Variants in IGF1R observed in about 807,000 individuals in gnomAD.
IGF1R encodes insulin like growth factor 1 receptor.
In IGF1R, 44 loss-of-function variants were observed where a neutral mutation model predicts 144.6. The ratio of observed to expected loss-of-function variants is 0.30; its 90% confidence interval spans 0.24 to 0.39. IGF1R has a LOEUF of 0.39. IGF1R is among the 10% of genes least tolerant of loss of function. The pLI is 1.00. For synonymous variants in IGF1R, 795 were observed against 722.8 expected, an observed-to-expected ratio of 1.10 and a Z score of -1.60; for missense variants, 1,355 against 1,833.7, an observed-to-expected ratio of 0.74 and a Z score of 4.77.
chr15:98,877,397 A>G (rs2141620025), intron 2 of IGF1R, among the ~76,000 whole-genome samples: 1 of 152,180 alleles, frequency 6.6e-6, no homozygotes, highest in South Asian at 2.1e-4. Flanking sequence ...TGTGAAAAAG[A>G]TAATCCAGCC....
chr15:98,776,716 C>T (rs1392089476), intron 2 of IGF1R, among the ~76,000 whole-genome samples: 1 of 152,120 alleles, frequency 6.6e-6, no homozygotes, highest in African/African-American at 2.4e-5. Context: ...GAGGCCACAG[C>T]GGTGTGCAAG....
chr15:98,833,576 T>C (rs918419856), intron 2 of IGF1R, among the ~76,000 whole-genome samples: 2 of 152,124 alleles, frequency 1.3e-5, no homozygotes, highest in South Asian at 2.1e-4. Context: ...TACACAAGGG[T>C]TTATTTAAAG....
intron 2 of IGF1R, among the ~76,000 whole-genome samples, chr15:98,840,099 A>C (rs1042215410): frequency 3.3e-5 from 5 of 152,116 alleles, no homozygotes; most frequent in Non-Finnish European, 7.4e-5. Context: ...CCTTGTTTTA[A>C]TTGCACATTA....
chr15:98,850,752 G>T (rs1041417064), intron 2 of IGF1R, among the ~76,000 whole-genome samples: 2 of 152,108 alleles, frequency 1.3e-5, no homozygotes, highest in Non-Finnish European at 2.9e-5. Context: ...TGGTGGGGGG[G>T]GGTACCATGT....
At chr15:98,840,562 G>A (rs2011155826) in intron 2 of IGF1R, among the ~76,000 whole-genome samples, 2 of 152,156 alleles carry the variant, frequency 1.3e-5, no homozygotes, top group South Asian at 4.1e-4. Context: ...CAGTCCTCCT[G>A]CCTCAGCCTC....
chr15:98,876,561 AAT>A (rs2141618355), intron 2 of IGF1R, among the ~76,000 whole-genome samples: 1 of 152,348 alleles, frequency 6.6e-6, no homozygotes, highest in African/African-American at 2.4e-5. Flanking sequence ...AAACTAGCAA[AAT>A]AAAATATGAG....
Position 98,916,116 on chromosome 15 carries a change from A to G in IGF1R, c.1981A>G (p.Asn661Asp). The G allele has an allele frequency of 6.2e-7, 1 of 1,614,188 alleles. No homozygotes were observed. Among genetic ancestry groups the G allele is most frequent in the Non-Finnish European group, 8.5e-7 (1 of 1,180,018 alleles). Residue 661 changes from asparagine (N) to aspartate (D), a missense_variant, in exon 9 of 21, where the codon AAT becomes GAT. Physicochemically the swap from Asn to Asp is conservative, Grantham distance 23. Transcript: ENST00000650285. ...TCAGGACGGCTACCTTTACCGGCACAATTACTGCTCCAAAGGTAAGGGTGC... is the reference window on the plus strand; with the variant it reads ...TCAGGACGGCTACCTTTACCGGCACGATTACTGCTCCAAAGGTAAGGGTGC... The part of the protein sequence containing the change: ...QPQDGYLYRH[N>D]YCSKDKIPIR...
At chr15:98,676,377 C>A (rs1205158587) in intron 1 of IGF1R, among the ~76,000 whole-genome samples, 1 of 152,068 alleles carries the variant, frequency 6.6e-6, no homozygotes, top group African/African-American at 2.4e-5. Flanking sequence ...ACCTTGCGAT[C>A]CGCCTGCCTC....
chr15:98,711,122 GC>G (rs2053981963), intron 2 of IGF1R, among the ~76,000 whole-genome samples: 1 of 152,110 alleles, frequency 6.6e-6, no homozygotes, highest in South Asian at 2.1e-4. Context: ...AGCGCTCATA[GC>G]CCCGCATGTA....
chr15:98,961,069 G>A lies in IGF1R; in HGVS notation c.*3627G>A. On this transcript the variant is annotated 3_prime_UTR_variant, in exon 21 of 21. Transcript: ENST00000650285. ...CGTGGATGGCTCCTCGGCAATTCCAGCCTAAGTGAAGGCGCTCAGGAGCCT... is the reference window on the plus strand; with the variant it reads ...CGTGGATGGCTCCTCGGCAATTCCAACCTAAGTGAAGGCGCTCAGGAGCCT... 1 of 233,610 alleles carries A rather than the reference G, an allele frequency of 4.3e-6. No individual in the cohort carries two copies. The allele number at this position is 233,610 out of a possible 1,614,324, so 14.5% of individuals were successfully genotyped here.
chr15:98,827,460 A>T (rs2056915143), intron 2 of IGF1R, among the ~76,000 whole-genome samples: 1 of 152,198 alleles, frequency 6.6e-6, no homozygotes, highest in South Asian at 2.1e-4. Flanking sequence ...TTTCATTCTA[A>T]TGCTTATAAG....
chr15:98,760,228 G>A (rs900706576), intron 2 of IGF1R, among the ~76,000 whole-genome samples: 4 of 151,876 alleles, frequency 2.6e-5, no homozygotes, highest in Non-Finnish European at 5.9e-5. Flanking sequence ...GTGCACATCT[G>A]TAATCCCAGC....
chr15:98,742,822 GA>G (rs2054777326), intron 2 of IGF1R, among the ~76,000 whole-genome samples: 2 of 152,064 alleles, frequency 1.3e-5, no homozygotes, highest in Non-Finnish European at 2.9e-5. Context: ...GAGGCGGGTG[GA>G]TCACCTGAGG....
Position 98,704,614 on chromosome 15 carries a change from G to C in IGF1R, c.95-2948G>C, listed in dbSNP as rs1033996950. On this transcript the variant is annotated intron_variant, in intron 1 of 20. Coordinates refer to ENST00000650285, the MANE Select transcript of IGF1R (RefSeq NM_000875.5). The surrounding 1 kb of genome is among the most constrained non-coding windows in gnomAD (Gnocchi z 4.9). ...GAATGATGAAATTCACTCATTCTGCGTGTGTCCCATGTCATGTGTCCGCTG... is the reference window on the plus strand; with the variant it reads ...GAATGATGAAATTCACTCATTCTGCCTGTGTCCCATGTCATGTGTCCGCTG... Among the ~76,000 whole-genome samples, 1 of 152,180 alleles carries C rather than the reference G, an allele frequency of 6.6e-6. No individual in the cohort carries two copies. Among genetic ancestry groups the C allele is most frequent in the Non-Finnish European group, 1.5e-5 (1 of 68,026 alleles).
At chr15:98,696,411 C>G (rs907767060) in intron 1 of IGF1R, among the ~76,000 whole-genome samples, 2 of 152,206 alleles carry the variant, frequency 1.3e-5, no homozygotes, top group South Asian at 4.1e-4. Flanking sequence ...GTAAATTGAA[C>G]ATTTACTAAG....
At chr15:98,925,561 T>A (rs1043805323) in intron 13 of IGF1R, among the ~76,000 whole-genome samples, 5 of 152,222 alleles carry the variant, frequency 3.3e-5, no homozygotes, top group African/African-American at 1.2e-4. Context: ...AGTGGGCTGA[T>A]CTTTCCTGGT....
At chr15:98,860,072 T>C (rs2012063505) in intron 2 of IGF1R, among the ~76,000 whole-genome samples, 1 of 152,186 alleles carries the variant, frequency 6.6e-6, no homozygotes, top group Admixed American at 6.5e-5. Flanking sequence ...TGTGCCACCA[T>C]ACCTGGCTAA....
In IGF1R at chr15:98,963,036, C is replaced by G. The variant is rs1255032001; in HGVS notation, c.*5594C>G. On this transcript the variant is annotated 3_prime_UTR_variant, in exon 21 of 21. Transcript: ENST00000650285. ...GCGTTTTCAATAGGGCTCTTAAGTCCAGTAGATTACGGGTAGTCAGTTGAC... is the reference window on the plus strand; with the variant it reads ...GCGTTTTCAATAGGGCTCTTAAGTCGAGTAGATTACGGGTAGTCAGTTGAC... 1 of 233,474 alleles carries G rather than the reference C, an allele frequency of 4.3e-6. No individual in the cohort carries two copies. Among genetic ancestry groups the G allele is most frequent in the Non-Finnish European group, 8.5e-6 (1 of 118,012 alleles). The allele number at this position is 233,474 out of a possible 1,614,324, so 14.5% of individuals were successfully genotyped here.
At chr15:98,934,459 TC>T (rs1250220504) in intron 15 of IGF1R, among the ~76,000 whole-genome samples, 3 of 152,218 alleles carry the variant, frequency 2.0e-5, no homozygotes, top group Admixed American at 6.5e-5. Context: ...AGTTTCTCAA[TC>T]CCCTGTGGTT....
Sources: gnomAD v4.1 joint callset for allele counts (sites outside exome capture counted in the v4.1 genomes callset) on GRCh38, gnomAD v4.1.1 for gene constraint, Gnocchi (gnomAD v3.1) non-coding constraint, MANE v1.5 for transcripts, NCBI Gene and HGNC (gene_info 2026-07-23, HGNC 2026-07-21) for gene names.